Variants in ORC4 observed in about 807,000 individuals in gnomAD.
The protein encoded by ORC4 is origin recognition complex subunit 4.
A neutral mutation model predicts 63.9 loss-of-function variants in ORC4; 55 were observed. The observed-to-expected ratio is 0.86, with a 90% CI of 0.69 to 1.08. The LOEUF is 1.08. ORC4 is among the 50% of genes least tolerant of loss of function. The pLI, the probability that ORC4 is intolerant of heterozygous loss-of-function variation, is 0.00. For missense variants in ORC4, 511 were observed against 504.4 expected (o/e 1.01, Z -0.13); for synonymous variants, 150 against 168.5 (o/e 0.89, Z 0.85).
rs1440341021 is a variant in ORC4 at position 147,935,127 on chromosome 2, A to C, written c.*383T>G. 5.3e-6 allele frequency: 1 copy of C among 187,002 alleles called. No individual in the cohort carries two copies. The highest frequency in any genetic ancestry group is 1.1e-5 in the Non-Finnish European group (1 of 88,648). The allele number at this position is 187,002 out of a possible 1,614,324, so 11.6% of individuals were successfully genotyped here. ...AAACCTGCTGTACCAAAGGTTACTT[A>C]TTATACTTCAGTGCTTACCATTGTT... On this transcript the variant is annotated 3_prime_UTR_variant, in exon 14 of 14. Transcript: ENST00000392857.
At chr2:147,953,481 T>A (rs896990321) in intron 7 of ORC4, among the ~76,000 whole-genome samples, 14 of 152,166 alleles carry the variant, frequency 9.2e-5, no homozygotes, top group Admixed American at 6.5e-5. Context: ...ACCAAAACAC[T>A]TTAAGATTAA....
intron 3 of ORC4, among the ~76,000 whole-genome samples, 173 bp downstream of exon 3, chr2:147,973,275 T>C (rs1690329658): frequency 6.6e-6 from 1 of 152,206 alleles, no homozygotes; most frequent in South Asian, 2.1e-4. Context: ...GAAATATTTG[T>C]ATCTGCTCCT....
At chr2:148,014,291 C>T (rs1170452457) in intron 1 of ORC4, among the ~76,000 whole-genome samples, 1 of 152,162 alleles carries the variant, frequency 6.6e-6, no homozygotes, top group African/African-American at 2.4e-5. Context: ...TTAAGGACAA[C>T]ATCATTAGGA....
chr2:147,960,965 T>C (rs1393740820), intron 4 of ORC4, among the ~76,000 whole-genome samples: 1 of 152,150 alleles, frequency 6.6e-6, no homozygotes, highest in African/African-American at 2.4e-5. Context: ...AAAATGCTTG[T>C]AATATTATAA....
At chr2:147,969,143 A>C (rs1051931923) in intron 4 of ORC4, among the ~76,000 whole-genome samples, 2 of 152,028 alleles carry the variant, frequency 1.3e-5, no homozygotes, top group African/African-American at 4.8e-5. Flanking sequence ...GGAGGAAAGG[A>C]GGGATAGTGA....
chr2:148,014,480 CAT>C (rs1226815858), intron 1 of ORC4, among the ~76,000 whole-genome samples: 1 of 152,086 alleles, frequency 6.6e-6, no homozygotes, highest in Non-Finnish European at 1.5e-5. Context: ...TTCTAGGACT[CAT>C]ATATTCCTAT....
At chr2:148,007,890 G>A (rs762061238) in intron 1 of ORC4, among the ~76,000 whole-genome samples, 4 of 152,178 alleles carry the variant, frequency 2.6e-5, no homozygotes, top group African/African-American at 7.2e-5. Context: ...CAGCAGAAAC[G>A]CTACAGGCCA....
intron 4 of ORC4, among the ~76,000 whole-genome samples, chr2:147,964,796 T>C (rs1023518870): frequency 6.6e-6 from 1 of 152,232 alleles, no homozygotes; most frequent in Non-Finnish European, 1.5e-5. Context: ...ATCATTTTTT[T>C]AAATGATATT....
intron 9 of ORC4, 199 bp downstream of exon 9, chr2:147,947,852 T>A (rs1362976351): frequency 2.1e-6 from 1 of 480,040 alleles, no homozygotes; most frequent in Non-Finnish European, 3.7e-6. Flanking sequence ...GATGTTCTTT[T>A]GAGATAGAAT....
At chr2:147,944,552 G>C (rs1022584668) in intron 9 of ORC4, among the ~76,000 whole-genome samples, 8 of 152,012 alleles carry the variant, frequency 5.3e-5, no homozygotes, top group Non-Finnish European at 4.4e-5. Flanking sequence ...GCAGTAATTA[G>C]GGTTGAATGG....
chr2:147,932,896 C>T lies in ORC4; in HGVS notation c.*2614G>A, dbSNP rs760065543. On this transcript the variant is annotated 3_prime_UTR_variant, in exon 14 of 14. Transcript: ENST00000392857. ...TACAGAAAGACTGAAGTGTTTCTTA[C>T]GGTGTTTTCTGCAAAACGTGATTCA... 10 of 152,058 alleles carry T rather than the reference C, an allele frequency of 6.6e-5. No homozygotes were observed. Among genetic ancestry groups the T allele is most frequent in the African/African-American group, 1.7e-4 (7 of 41,428 alleles). 9.4% of individuals were successfully genotyped at this position (152,058 alleles called of 1,614,324 possible). A position where few individuals can be genotyped will look rare whatever the true frequency, so the allele number is the denominator to read the frequency against.
At chr2:147,969,971 C>T (rs1362756673) in intron 4 of ORC4, among the ~76,000 whole-genome samples, 1 of 151,774 alleles carries the variant, frequency 6.6e-6, no homozygotes, top group Non-Finnish European at 1.5e-5. Flanking sequence ...TCTCAAAGAA[C>T]TGACAAAAAA....
At chr2:147,940,970 G>A (rs1355998163) in intron 10 of ORC4, among the ~76,000 whole-genome samples, 3 of 152,050 alleles carry the variant, frequency 2.0e-5, no homozygotes, top group Admixed American at 6.6e-5. Flanking sequence ...AAACAACCAA[G>A]TATGTCTATA....
chr2:147,964,490 G>A (rs1362825819), intron 4 of ORC4, among the ~76,000 whole-genome samples: 1 of 152,110 alleles, frequency 6.6e-6, no homozygotes, highest in Non-Finnish European at 1.5e-5. Flanking sequence ...ACTTTCAGGA[G>A]GAGAAAAGAA....
At chr2:147,967,053 A>G (rs1475573410) in intron 4 of ORC4, among the ~76,000 whole-genome samples, 2 of 152,134 alleles carry the variant, frequency 1.3e-5, no homozygotes, top group African/African-American at 4.8e-5. Flanking sequence ...ATCAATAAAC[A>G]TCATACACCA....
intron 4 of ORC4, among the ~76,000 whole-genome samples, chr2:147,963,167 G>A (rs1025616195): frequency 2.0e-5 from 3 of 152,160 alleles, no homozygotes; most frequent in African/African-American, 7.2e-5. Flanking sequence ...TCGCTAACCT[G>A]AGAAGTACAC....
intron 1 of ORC4, among the ~76,000 whole-genome samples, chr2:147,979,097 G>A (rs1690722743): frequency 6.6e-6 from 1 of 152,086 alleles, no homozygotes; most frequent in Non-Finnish European, 1.5e-5. Flanking sequence ...ATATAGTACT[G>A]CAAGTCCTAG....
Position 147,934,106 on chromosome 2 carries a change from AG to A in ORC4, c.*1403del, listed in dbSNP as rs1425499616. On this transcript the variant is annotated 3_prime_UTR_variant, in exon 14 of 14. Transcript: ENST00000392857. ...TAGCACTGGCTTTGGTGCTAAACTG[AG>A]TTGAATTCCAAGCCTGTTGGCCATT... 3 of 152,164 alleles carry A rather than the reference AG, an allele frequency of 2.0e-5. No individual in the cohort carries two copies. The highest frequency in any genetic ancestry group is 4.4e-5 in the Non-Finnish European group (3 of 68,036). 9.4% of individuals were successfully genotyped at this position (152,164 alleles called of 1,614,324 possible).
At chr2:147,950,434 A>G (rs1019708186) in intron 8 of ORC4, among the ~76,000 whole-genome samples, 1 of 152,172 alleles carries the variant, frequency 6.6e-6, no homozygotes, top group African/African-American at 2.4e-5. Flanking sequence ...CTCCCTCTAT[A>G]CTTTTGTTCT....
Sources: gnomAD v4.1 joint callset for allele counts (sites outside exome capture counted in the v4.1 genomes callset) on GRCh38, gnomAD v4.1.1 for gene constraint, MANE v1.5 for transcripts, NCBI Gene and HGNC (gene_info 2026-07-23, HGNC 2026-07-21) for gene names.